Variants in NELL1 observed in about 807,000 individuals in gnomAD.
NELL1 encodes neural EGFL like 1, also known as protein kinase C-binding protein NELL1.
In NELL1, 76 loss-of-function variants were observed where a neutral mutation model predicts 107.4. The ratio of observed to expected loss-of-function variants is 0.71; its 90% CI spans 0.59 to 0.86. The LOEUF (loss-of-function observed/expected upper bound fraction) is 0.86, where lower values mean the gene tolerates loss of function less well. Among genes scored for constraint, NELL1 ranks in the 40% least tolerant of loss-of-function variants. The probability of loss-of-function intolerance (pLI) is 0.00; values close to 1 mark genes in which losing one functional copy is unlikely to be tolerated. For synonymous variants in NELL1, 353 were observed against 341.2 expected (o/e 1.03, Z -0.38); for missense variants, 1,024 against 1,005.5 (o/e 1.02, Z -0.25).
At chr11:21,168,717 G>A (rs754480894) in intron 13 of NELL1, among the ~76,000 whole-genome samples, 7 of 151,734 alleles carry the variant, frequency 4.6e-5, no homozygotes, top group Non-Finnish European at 1.0e-4. Flanking sequence ...TAAACCTATG[G>A]CCAGTTAAAG....
intron 15 of NELL1, among the ~76,000 whole-genome samples, chr11:21,376,080 T>G (rs549886936): frequency 1.3e-5 from 2 of 152,306 alleles, no homozygotes; most frequent in East Asian, 1.9e-4. Flanking sequence ...TTTTTGTTTT[T>G]GTTGCAATTG....
intron 2 of NELL1, among the ~76,000 whole-genome samples, chr11:20,751,164 A>C (rs1401337485): frequency 6.6e-6 from 1 of 151,924 alleles, no homozygotes; most frequent in African/African-American, 2.4e-5. Flanking sequence ...AGGCAGTAGA[A>C]GAATTCCAAC....
At chr11:21,335,210 C>G (rs1850363724) in intron 14 of NELL1, among the ~76,000 whole-genome samples, 1 of 151,920 alleles carries the variant, frequency 6.6e-6, no homozygotes, top group African/African-American at 2.4e-5. Context: ...TTTATTCATT[C>G]TATTTTAATT....
At chr11:21,541,961 T>C (rs1173870269) in intron 16 of NELL1, among the ~76,000 whole-genome samples, 1 of 152,074 alleles carries the variant, frequency 6.6e-6, no homozygotes, top group African/African-American at 2.4e-5. Flanking sequence ...CTCTCAGCAA[T>C]TTACAAAAGC....
At position 21,473,343 on chromosome 11, in the gene NELL1, A is replaced by G. The variant is rs970777307; in HGVS notation, c.1646-61031A>G. Among the ~76,000 whole-genome samples, 25 of 151,952 alleles carry G rather than the reference A, an allele frequency of 1.6e-4. No individual in the cohort carries two copies. In the South Asian group the frequency reaches 4.6e-3, roughly 28 times the overall value. ...ACCTCTTGAGATTCTTTTTTCATCT[A>G]TTTTCCCAAATCAAACTCATTTGTT... On this transcript the variant is annotated intron_variant, in intron 15 of 19. Transcript: ENST00000357134.
chr11:21,543,987 A>G (rs149317928), intron 16 of NELL1, among the ~76,000 whole-genome samples: 7 of 152,104 alleles, frequency 4.6e-5, no homozygotes, highest in Middle Eastern at 3.4e-3. Context: ...CCTGTAAGCC[A>G]TTATGAACCT....
At chr11:20,864,996 C>T (rs1849067072) in intron 4 of NELL1, among the ~76,000 whole-genome samples, 1 of 152,178 alleles carries the variant, frequency 6.6e-6, no homozygotes, top group East Asian at 1.9e-4. Flanking sequence ...GTCTCCTTGA[C>T]CTTGACTTTT....
intron 5 of NELL1, among the ~76,000 whole-genome samples, chr11:20,910,486 C>G (rs1409656978): frequency 6.6e-6 from 1 of 152,200 alleles, no homozygotes; most frequent in African/African-American, 2.4e-5. Context: ...CGGCCCCGCA[C>G]TCACCACAGT....
intron 14 of NELL1, among the ~76,000 whole-genome samples, chr11:21,246,339 T>A (rs549939585): frequency 6.6e-6 from 1 of 152,270 alleles, no homozygotes; most frequent in African/African-American, 2.4e-5. Context: ...ACACTGAAAT[T>A]GTCATGTGTG....
intron 2 of NELL1, among the ~76,000 whole-genome samples, chr11:20,698,177 CT>C (rs1258880007): frequency 6.6e-6 from 1 of 152,148 alleles, no homozygotes; most frequent in Non-Finnish European, 1.5e-5. Context: ...TGTTTTTGCT[CT>C]TGCCAAATAA....
At chr11:21,233,673 T>G (rs1438576762) in intron 14 of NELL1, among the ~76,000 whole-genome samples, 1 of 152,236 alleles carries the variant, frequency 6.6e-6, no homozygotes, top group Non-Finnish European at 1.5e-5. Context: ...CAGTTTCAAG[T>G]CAGATTTGCA....
At chr11:20,698,174 G>T (rs1281301003) in intron 2 of NELL1, among the ~76,000 whole-genome samples, 1 of 152,104 alleles carries the variant, frequency 6.6e-6, no homozygotes, top group Non-Finnish European at 1.5e-5. Context: ...AAGTGTTTTT[G>T]CTCTTGCCAA....
intron 4 of NELL1, among the ~76,000 whole-genome samples, chr11:20,857,608 C>T (rs1848907091): frequency 6.6e-6 from 1 of 152,162 alleles, no homozygotes; most frequent in South Asian, 2.1e-4. Context: ...AGAAGGAACG[C>T]ATCTTCACCG....
chr11:21,429,895 T>A lies in NELL1; in HGVS notation c.1645+58947T>A, dbSNP rs191902529. On this transcript the variant is annotated intron_variant, in intron 15 of 19. Coordinates refer to ENST00000357134, the MANE Select transcript of NELL1 (RefSeq NM_006157.5). ...TAAAGGCAGGAAAGGACCCTAGCAC[T>A]TATCTACTTTAATCCTTTGGTGTCT... Among the ~76,000 whole-genome samples, 130 of 152,290 alleles carry A rather than the reference T, an allele frequency of 8.5e-4. 1 individual carries two copies. Among genetic ancestry groups the A allele is most frequent in the Middle Eastern group, 6.8e-3 (2 of 294 alleles).
intron 14 of NELL1, among the ~76,000 whole-genome samples, chr11:21,309,217 C>T (rs1450836986): frequency 7.2e-6 from 1 of 138,844 alleles, no homozygotes; most frequent in Non-Finnish European, 1.5e-5. Flanking sequence ...TCTATGTATG[C>T]CTCTTAAAGC....
chr11:21,024,870 T>C (rs768610813), intron 12 of NELL1, among the ~76,000 whole-genome samples: 17 of 152,154 alleles, frequency 1.1e-4, no homozygotes, highest in Non-Finnish European at 1.8e-4. Context: ...TCCTGTCTTG[T>C]GAATGAAATG....
At position 21,182,429 on chromosome 11, in the gene NELL1, C is replaced by T. The variant is rs535109447; in HGVS notation, c.1427-46903C>T. On this transcript the variant is annotated intron_variant, in intron 13 of 19. Coordinates refer to ENST00000357134, the MANE Select transcript of NELL1 (RefSeq NM_006157.5). The stretch of plus-strand genomic sequence containing the variant: ...CAGCCTGGGTGACAGAGTGAGACTC[C>T]GTCTCAAAAAGAAAAAAAAAAAAAA... Among the ~76,000 whole-genome samples the T allele has an allele frequency of 1.1e-4, 16 of 139,228 alleles. No individual in the cohort carries two copies. In the East Asian group the frequency reaches 3.0e-3, roughly 26 times the overall value. 91.3% of individuals were successfully genotyped at this position (139,228 alleles called of 152,430 possible).
chr11:20,906,271 A>G (rs1049965330), intron 5 of NELL1, among the ~76,000 whole-genome samples: 3 of 152,136 alleles, frequency 2.0e-5, no homozygotes, highest in African/African-American at 7.2e-5. Flanking sequence ...ACCAACCAGG[A>G]CTGGATCATG....
chr11:21,163,671 T>C (rs1339503587), intron 13 of NELL1, among the ~76,000 whole-genome samples: 2 of 152,188 alleles, frequency 1.3e-5, no homozygotes, highest in East Asian at 3.9e-4. Context: ...AGGAAGTCCA[T>C]GATAAAGCTG....
Sources: allele counts gnomAD v4.1 joint callset (sites outside exome capture counted in the v4.1 genomes callset), GRCh38; gene constraint gnomAD v4.1.1; transcripts MANE v1.5; gene names NCBI Gene and HGNC (gene_info 2026-07-23, HGNC 2026-07-21).